TPTE2: variants seen among roughly 807,000 people sequenced by gnomAD.
The protein encoded by TPTE2 is transmembrane phosphoinositide 3-phosphatase and tensin homolog 2, also known as phosphatidylinositol 3,4,5-trisphosphate 3-phosphatase TPTE2.
TPTE2 carries 53 observed loss-of-function variants against 78.6 expected under a neutral mutation model. That is an observed-to-expected ratio of 0.67 (90% CI 0.54 to 0.85). The LOEUF is 0.85. Ranked by LOEUF, TPTE2 falls within the 40% of genes least tolerant of loss-of-function variation. TPTE2 has a pLI of 0.00. For missense variants in TPTE2, 461 were observed against 623.0 expected, an observed-to-expected ratio of 0.74 and a Z score of 2.77; for synonymous variants, 175 against 206.2, an observed-to-expected ratio of 0.85 and a Z score of 1.30.
At chr13:19,524,016 A>G (rs987267294) in intron 1 of TPTE2, among the ~76,000 whole-genome samples, 44 of 152,172 alleles carry the variant, frequency 2.9e-4, no homozygotes, top group Admixed American at 2.0e-4. Context: ...TCTTTTTTAA[A>G]AAGCTGGGAA....
chr13:19,544,674 C>T, the TPTE2 span, among the ~76,000 whole-genome samples: 2 of 152,132 alleles, frequency 1.3e-5, no homozygotes, highest in African/African-American at 4.8e-5. Context: ...GGCAGGTAGA[C>T]TGCTTGAGCC....
At chr13:19,456,881 A>G (rs1356811868) in intron 10 of TPTE2, among the ~76,000 whole-genome samples, 1 of 152,194 alleles carries the variant, frequency 6.6e-6, no homozygotes, top group Non-Finnish European at 1.5e-5. Context: ...ATAGTTTTTA[A>G]ACAAAGAAGT....
At chr13:19,552,919 TACA>T in the TPTE2 span, among the ~76,000 whole-genome samples, 4 of 144,614 alleles carry the variant, frequency 2.8e-5, no homozygotes, top group South Asian at 2.4e-4. Context: ...ACTTTTGTTT[TACA>T]ACAATGCCAG....
intron 16 of TPTE2, among the ~76,000 whole-genome samples, chr13:19,431,231 T>G (rs1179719082): frequency 3.9e-5 from 6 of 152,176 alleles, no homozygotes; most frequent in African/African-American, 1.4e-4. Context: ...TCATAATGAT[T>G]CTTAATAATA....
chr13:19,450,290 A>G (rs1303018852), exon 12 of TPTE2: 5 of 1,611,202 alleles, frequency 3.1e-6, no homozygotes, highest in Admixed American at 1.7e-5. Context: ...ATGATCATCA[A>G]TCATGATTCT....
the TPTE2 span, among the ~76,000 whole-genome samples, chr13:19,553,675 G>A: frequency 2.6e-5 from 4 of 152,236 alleles, no homozygotes; most frequent in Non-Finnish European, 5.9e-5. Flanking sequence ...ATTATGCTGA[G>A]TGAAAGAAGC....
chr13:19,497,017 C>T (rs375649596), intron 1 of TPTE2, among the ~76,000 whole-genome samples: 73 of 152,228 alleles, frequency 4.8e-4, no homozygotes, highest in Admixed American at 1.0e-3. Context: ...GTTCCCTTTC[C>T]GAGTCAAAGA....
At chr13:19,429,452 T>A (rs936317328) in intron 17 of TPTE2, among the ~76,000 whole-genome samples, 8 of 152,310 alleles carry the variant, frequency 5.3e-5, no homozygotes, top group Admixed American at 2.0e-4. Context: ...GAGAGAAAGC[T>A]CCTTGATAAC....
chr13:19,438,018 C>T (rs765112638), intron 14 of TPTE2, 74 bp downstream of exon 17: 24 of 1,563,626 alleles, frequency 1.5e-5, no homozygotes, highest in Non-Finnish European at 2.1e-5. Context: ...ATCATCTTAA[C>T]GTCCTACCAG....
chr13:19,553,028 G>C, the TPTE2 span, among the ~76,000 whole-genome samples: 1 of 150,984 alleles, frequency 6.6e-6, no homozygotes, highest in Non-Finnish European at 1.5e-5. Context: ...TGTGACTCTG[G>C]TTTTTAAAGT....
chr13:19,529,407 G>A (rs1178966172), intron 1 of TPTE2, among the ~76,000 whole-genome samples: 1 of 152,128 alleles, frequency 6.6e-6, no homozygotes, highest in African/African-American at 2.4e-5. Flanking sequence ...GATTACAGGC[G>A]TGAGCCACCA....
At chr13:19,423,129 T>C (rs1875729039) in exon 20 of TPTE2, 2 of 1,611,994 alleles carry the variant, frequency 1.2e-6, no homozygotes, top group South Asian at 1.1e-5. Context: ...TTTTTGTTTA[T>C]GTGGATTATC....
At chr13:19,479,341 G>A (rs1174111134) in intron 4 of TPTE2, among the ~76,000 whole-genome samples, 4 of 151,914 alleles carry the variant, frequency 2.6e-5, no homozygotes, top group Non-Finnish European at 4.4e-5. Flanking sequence ...GGTACATCTC[G>A]ATATTGATGG....
chr13:19,478,436 A>C (rs4627177), intron 4 of TPTE2, among the ~76,000 whole-genome samples: 107,087 of 152,160 alleles, frequency 0.7, 41,641 homozygotes, highest in East Asian at 0.92. Context: ...GCCATCAGAG[A>C]AATGCAAATC....
the TPTE2 span, chr13:19,560,411 G>A: frequency 2.5e-6 from 4 of 1,609,186 alleles, no homozygotes; most frequent in Non-Finnish European, 2.5e-6. Context: ...TCTTCATCCA[G>A]GACTAAGTCC....
chr13:19,525,311 A>G (rs1870430670), intron 1 of TPTE2, among the ~76,000 whole-genome samples: 1 of 152,216 alleles, frequency 6.6e-6, no homozygotes. Context: ...ACAAGGCTAC[A>G]GTGAGCAAAA....
chr13:19,484,572 C>T (rs1880543656), intron 3 of TPTE2, among the ~76,000 whole-genome samples: 1 of 151,998 alleles, frequency 6.6e-6, no homozygotes, highest in South Asian at 2.1e-4. Flanking sequence ...TATGGAAGTG[C>T]CCAACTCTTA....
intron 6 of TPTE2, among the ~76,000 whole-genome samples, chr13:19,470,504 T>G (rs1324145436): frequency 1.3e-5 from 2 of 152,080 alleles, no homozygotes; most frequent in Non-Finnish European, 2.9e-5. Flanking sequence ...TTTTGGTTTT[T>G]GGGTTTTTTC....
At chr13:19,438,464 G>C in intron 13 of TPTE2, 1 of 982,678 alleles carries the variant, frequency 1.0e-6, no homozygotes, top group Non-Finnish European at 1.2e-6. Context: ...TTGGATAATA[G>C]TAAAAAAGAA....
Sources: allele counts gnomAD v4.1 joint callset (sites outside exome capture counted in the v4.1 genomes callset), GRCh38; gene constraint gnomAD v4.1.1; transcripts MANE v1.5; gene names NCBI Gene and HGNC (gene_info 2026-07-23, HGNC 2026-07-21).